IARS2: variants seen among roughly 807,000 people sequenced by gnomAD.
IARS2 encodes isoleucine--tRNA ligase, mitochondrial.
IARS2 carries 56 observed loss-of-function variants against 126.3 expected under a neutral mutation model. That is an observed-to-expected ratio of 0.44 (90% CI 0.36 to 0.55). The LOEUF (loss-of-function observed/expected upper bound fraction) is 0.55. IARS2 is among the 20% of genes least tolerant of loss of function. The pLI, the probability that IARS2 is intolerant of heterozygous loss-of-function variation, is 0.00. For missense variants in IARS2, 1,127 were observed against 1,245.9 expected (o/e 0.90, Z 1.44); for synonymous variants, 407 against 441.1 (o/e 0.92, Z 0.97).
At chr1:220,102,829 T>TTTGTG in intron 7 of IARS2, 52 bp downstream of exon 7, 1 of 942,710 alleles carries the variant, frequency 1.1e-6, no homozygotes, top group Non-Finnish European at 1.7e-6. Context: ...ATGTATTCCA[T>TTTGTG]TATTAACATT....
chr1:220,105,043 A>G (rs981459618), intron 8 of IARS2, among the ~76,000 whole-genome samples: 2 of 152,184 alleles, frequency 1.3e-5, no homozygotes, highest in African/African-American at 4.8e-5. Flanking sequence ...GCAGGAAAGG[A>G]GCTTAAGAAT....
intron 12 of IARS2, among the ~76,000 whole-genome samples, chr1:220,122,495 G>T (rs1657069835): frequency 6.6e-6 from 1 of 152,156 alleles, no homozygotes; most frequent in South Asian, 2.1e-4. Context: ...AGTTAGAGAG[G>T]CAGAATAAAG....
chr1:220,094,595 G>A (rs938520516), intron 1 of IARS2, 112 bp downstream of exon 1: 16 of 874,784 alleles, frequency 1.8e-5, no homozygotes, highest in Admixed American at 3.0e-5. Flanking sequence ...GGTGGGCGGG[G>A]GTGTGACCAG....
Position 220,138,063 on chromosome 1 carries a change from C to G in IARS2, c.2175+20C>G. ...AGCAAGGTTAGAACTATTATTCTTC[C>G]TATTTCTAAAGGACAAGTTTGTCAA... On this transcript the variant is annotated intron_variant, in intron 17 of 22. Coordinates refer to ENST00000366922, the MANE Select transcript of IARS2 (RefSeq NM_018060.4). The G allele has an allele frequency of 6.2e-7, 1 of 1,609,956 alleles. No individual in the cohort carries two copies. The highest frequency in any genetic ancestry group is 8.5e-7 in the Non-Finnish European group (1 of 1,177,072).
chr1:220,131,432 A>C (rs749789859), intron 14 of IARS2, among the ~76,000 whole-genome samples: 1 of 151,884 alleles, frequency 6.6e-6, no homozygotes, highest in Non-Finnish European at 1.5e-5. Flanking sequence ...GCTCACTGCA[A>C]CCTCCACCTC....
At chr1:220,128,595 G>C (rs1474011733) in intron 14 of IARS2, among the ~76,000 whole-genome samples, 1 of 152,252 alleles carries the variant, frequency 6.6e-6, no homozygotes, top group Admixed American at 6.5e-5. Flanking sequence ...GAAAATGCAG[G>C]TCAATACCAC....
At chr1:220,102,831 A>G in intron 7 of IARS2, 54 bp downstream of exon 7, 2 of 934,834 alleles carry the variant, frequency 2.1e-6, no homozygotes, top group Non-Finnish European at 1.7e-6. Context: ...GTATTCCATT[A>G]TTAACATTAT....
rs1397857358 is a variant in IARS2, at chr1:220,107,044, A to C, written c.1237-17A>C. The C allele has an allele frequency of 6.6e-7, 1 of 1,515,566 alleles. No homozygotes were observed. Among genetic ancestry groups the C allele is most frequent in the Non-Finnish European group, 9.2e-7 (1 of 1,090,534 alleles). The allele number at this position is 1,515,566 out of a possible 1,614,324, so 93.9% of individuals were successfully genotyped here. On this transcript the variant is annotated splice_polypyrimidine_tract_variant and intron_variant, in intron 9 of 22. Coordinates refer to ENST00000366922, the MANE Select transcript of IARS2 (RefSeq NM_018060.4). ...AAATGTCTTGATATTTTAATTGTTC[A>C]AAATGATACTTTATAGGATTGTCTA...
Position 220,107,107 on chromosome 1 carries a change from C to T in IARS2, c.1283C>T (p.Pro428Leu). The change falls in exon 10 of 23, where the codon CCT becomes CTT. Residue 428 changes from proline (P) to leucine (L), a missense_variant. Pro to Leu is a moderately conservative substitution (Grantham distance 98). Transcript: ENST00000366922. ...GGAGTTTTCACAGATGTTGCAGGTC[C>T]TGAACTTCAAAACAAGGCTGTCCTT... ...EDGVFTDVAG[P>L]ELQNKAVLEE... 1 of 1,613,708 alleles carries T rather than the reference C, an allele frequency of 6.2e-7. No homozygotes were observed. The highest frequency in any genetic ancestry group is 8.5e-7 in the Non-Finnish European group (1 of 1,179,666).
chr1:220,120,372 G>A (rs1019771989), intron 12 of IARS2, among the ~76,000 whole-genome samples: 17 of 148,810 alleles, frequency 1.1e-4, no homozygotes, highest in Non-Finnish European at 2.1e-4. Flanking sequence ...GTGAACCACC[G>A]CGCCCGGCCT....
chr1:220,110,764 T>G, intron 10 of IARS2, 22 bp from the exon 11 acceptor site: 1 of 1,532,130 alleles, frequency 6.5e-7, no homozygotes, highest in Non-Finnish European at 8.9e-7. Context: ...TTATGTCTAA[T>G]TTGGTGTTTT....
chr1:220,142,949 A>G lies in IARS2; in HGVS notation c.2566A>G (p.Lys856Glu). Residue 856 changes from lysine (K) to glutamate (E), a missense_variant, in exon 21 of 23, where the codon AAG (lysine) becomes GAG (glutamate). Coordinates refer to ENST00000366922, the MANE Select transcript of IARS2 (RefSeq NM_018060.4). ...CTATTTTTGTTCTTCTGAAGAGCCCAAGAGTGTTTTCCGTACTGGGTGGAT... is the reference window on the plus strand; with the variant it reads ...CTATTTTTGTTCTTCTGAAGAGCCCGAGAGTGTTTTCCGTACTGGGTGGAT... Reference protein sequence around the residue: ...FQHIPYIKEPKSVFRTGWIST... With the variant: ...FQHIPYIKEPESVFRTGWIST... 6.2e-7 allele frequency: 1 copy of G among 1,608,302 alleles called. No individual in the cohort carries two copies. Among genetic ancestry groups the G allele is most frequent in the Non-Finnish European group, 8.5e-7 (1 of 1,176,136 alleles).
intron 21 of IARS2, among the ~76,000 whole-genome samples, chr1:220,143,584 G>A (rs747559633): frequency 1.2e-4 from 19 of 152,114 alleles, no homozygotes; most frequent in Non-Finnish European, 2.6e-4. Context: ...TAAATTGATC[G>A]CGATCGTCTT....
At chr1:220,134,262 A>G (rs1321707226) in intron 14 of IARS2, 140 bp from the exon 15 acceptor site, 2 of 572,272 alleles carry the variant, frequency 3.5e-6, no homozygotes, top group African/African-American at 1.9e-5. Context: ...TTTCTTGGTT[A>G]AGGTGGCATC....
In IARS2 at chr1:220,143,014, A is replaced by T. The variant is rs1657519793; in HGVS notation, c.2631A>T (p.Glu877Asp). The change falls in exon 21 of 23, where the codon GAA becomes GAT. Residue 877 changes from glutamate (E) to aspartate (D), a missense_variant. Glu to Asp is a conservative substitution (Grantham distance 45). Coordinates refer to ENST00000366922, the MANE Select transcript of IARS2 (RefSeq NM_018060.4). The part of the protein sequence containing the change: ...SSIWKKPGLE[E>D]AVESACAMRD... ...TCTGGAAAAAGCCCGGGTTGGAAGA[A>T]GCTGTGGAGAGTGCGTGTGCAATGC... The T allele has an allele frequency of 6.2e-7, 1 of 1,614,044 alleles. No individual in the cohort carries two copies. Among genetic ancestry groups the T allele is most frequent in the African/African-American group, 1.3e-5 (1 of 74,946 alleles).
At chr1:220,098,056 A>G (rs942355488) in intron 2 of IARS2, among the ~76,000 whole-genome samples, 1 of 151,838 alleles carries the variant, frequency 6.6e-6, no homozygotes, top group Non-Finnish European at 1.5e-5. Flanking sequence ...TTGTATTATT[A>G]GTATTATTTT....
intron 8 of IARS2, among the ~76,000 whole-genome samples, chr1:220,103,847 A>G (rs540560028): frequency 6.6e-6 from 1 of 152,336 alleles, no homozygotes; most frequent in African/African-American, 2.4e-5. Flanking sequence ...AATTGTTTTT[A>G]TCTGTTTTAA....
chr1:220,111,033 G>C (rs1656790360), intron 11 of IARS2, 96 bp downstream of exon 11: 1 of 1,094,266 alleles, frequency 9.1e-7, no homozygotes, highest in East Asian at 2.5e-5. Flanking sequence ...AGGAGTAATA[G>C]GGATTGCTGC....
At chr1:220,102,810 A>G (rs780819893) in intron 7 of IARS2, 33 bp downstream of exon 7, 1 of 1,193,830 alleles carries the variant, frequency 8.4e-7, no homozygotes, top group East Asian at 2.3e-5. Context: ...TGTTTTATAC[A>G]CAAATAGAAT....
Sources: allele counts gnomAD v4.1 joint callset (sites outside exome capture counted in the v4.1 genomes callset), GRCh38; gene constraint gnomAD v4.1.1; transcripts MANE v1.5; gene names NCBI Gene and HGNC (gene_info 2026-07-23, HGNC 2026-07-21).